SATB2: variants seen among roughly 807,000 people sequenced by gnomAD.
SATB2 encodes DNA-binding protein SATB2.
A neutral mutation model predicts 73.4 loss-of-function variants in SATB2; 1 was observed. The observed-to-expected ratio is 0.01, with a 90% CI of 0.00 to 0.06. The LOEUF (loss-of-function observed/expected upper bound fraction) is 0.06. Ranked by LOEUF, SATB2 falls within the 10% of genes least tolerant of loss-of-function variation. The probability of loss-of-function intolerance (pLI) is 1.00; values close to 1 mark genes in which losing one functional copy is unlikely to be tolerated. For missense variants in SATB2, 459 were observed against 945.8 expected (o/e 0.49, Z 6.75); for synonymous variants, 397 against 367.0 (o/e 1.08, Z -0.93).
intron 10 of SATB2, among the ~76,000 whole-genome samples, chr2:199,289,625 C>T (rs1445122373): frequency 1.3e-5 from 2 of 152,170 alleles, no homozygotes; most frequent in Non-Finnish European, 2.9e-5. Context: ...TGTGAATACG[C>T]TTCGGGGTGG....
At chr2:199,425,953 T>C (rs1423654252) in intron 3 of SATB2, among the ~76,000 whole-genome samples, 6 of 152,156 alleles carry the variant, frequency 3.9e-5, no homozygotes, top group African/African-American at 1.4e-4. Context: ...TGTTGAAGAA[T>C]TGTGTTCTCC....
At chr2:199,353,996 A>G (rs1688898095) in intron 6 of SATB2, among the ~76,000 whole-genome samples, 1 of 152,212 alleles carries the variant, frequency 6.6e-6, no homozygotes, top group African/African-American at 2.4e-5. Context: ...GGTGAAAGCA[A>G]TGTTCACATT....
At chr2:199,287,866 A>G (rs1448554740) in intron 10 of SATB2, among the ~76,000 whole-genome samples, 1 of 152,202 alleles carries the variant, frequency 6.6e-6, no homozygotes, top group African/African-American at 2.4e-5. Context: ...CAAATACACA[A>G]AATTGAGCTC....
chr2:199,290,765 G>C (rs571704746), intron 10 of SATB2, among the ~76,000 whole-genome samples: 4 of 152,188 alleles, frequency 2.6e-5, no homozygotes, highest in Admixed American at 2.0e-4. Flanking sequence ...ATATTCATCA[G>C]TTTGCTTCTC....
chr2:199,302,171 T>C (rs538070895), intron 10 of SATB2, among the ~76,000 whole-genome samples: 1 of 152,304 alleles, frequency 6.6e-6, no homozygotes, highest in Non-Finnish European at 1.5e-5. Flanking sequence ...AATCTCTAGG[T>C]AAAACAAAGC....
intron 10 of SATB2, among the ~76,000 whole-genome samples, chr2:199,293,471 T>G (rs183868570): frequency 1.0e-3 from 158 of 152,230 alleles, no homozygotes; most frequent in African/African-American, 3.6e-3. Context: ...TTTCTTAGTA[T>G]TTTCTATTCA....
At position 199,355,342 on chromosome 2, in the gene SATB2, G is replaced by GTATATATATATATA. The variant is rs1249092587; in HGVS notation, c.701-6170_701-6169insTATATATATATATA. ...CATATGTATGTGTGTGTGTGTGTGT[G>GTATATATATATATA]TGTATCTATATATATATATATATAT... is the stretch of plus-strand genomic sequence containing the variant. On this transcript the variant is annotated intron_variant, in intron 6 of 10. Transcript: ENST00000417098. 5.5e-4 allele frequency among the ~76,000 whole-genome samples: 3 copies of GTATATATATATATA among 5,420 alleles called. 1 individual carries two copies. The highest frequency in any genetic ancestry group is 5.6e-3 in the Non-Finnish European group (1 of 178). The allele number at this position is 5,420 out of a possible 152,430, so 3.6% of individuals were successfully genotyped here.
intron 5 of SATB2, 127 bp downstream of exon 5, chr2:199,380,237 C>G: frequency 8.1e-7 from 1 of 1,230,676 alleles, no homozygotes; most frequent in Non-Finnish European, 1.2e-6. Context: ...TCTTTTACAC[C>G]TCAAATGCAG....
In SATB2 at chr2:199,455,628, C is replaced by T. The variant is rs1692249801; in HGVS notation, c.169+241G>A. Among the ~76,000 whole-genome samples the T allele has an allele frequency of 6.6e-6, 1 of 152,248 alleles. No homozygotes were observed. Among genetic ancestry groups the T allele is most frequent in the Non-Finnish European group, 1.5e-5 (1 of 68,046 alleles). Reference sequence around the variant, plus strand: ...TGGCTGTGACATAAACCTGCCAACACCTCAGCACACAGTGGCAAAATGCCC... The same window carrying T: ...TGGCTGTGACATAAACCTGCCAACATCTCAGCACACAGTGGCAAAATGCCC... On this transcript the variant is annotated intron_variant, in intron 2 of 10. Coordinates refer to ENST00000417098, the MANE Select transcript of SATB2 (RefSeq NM_001172509.2). The surrounding 1 kb of genome is among the most constrained non-coding windows in gnomAD (Gnocchi z 4.1).
chr2:199,360,295 C>T (rs1689098280), intron 6 of SATB2, among the ~76,000 whole-genome samples: 2 of 152,132 alleles, frequency 1.3e-5, no homozygotes, highest in African/African-American at 2.4e-5. Context: ...GCCCCCATCA[C>T]ATCTATGTTT....
intron 3 of SATB2, among the ~76,000 whole-genome samples, chr2:199,421,189 G>A (rs1310527996): frequency 6.6e-6 from 1 of 152,072 alleles, no homozygotes; most frequent in Non-Finnish European, 1.5e-5. Flanking sequence ...GTTCCAGGTA[G>A]GACCATCTCA....
At chr2:199,423,169 T>C (rs1445723620) in intron 3 of SATB2, among the ~76,000 whole-genome samples, 2 of 152,172 alleles carry the variant, frequency 1.3e-5, no homozygotes, top group Admixed American at 1.3e-4. Context: ...TAATATAATG[T>C]TAGGTCCTAC....
At chr2:199,323,698 TTA>T (rs2105788916) in intron 9 of SATB2, 103 bp downstream of exon 9, 2 of 1,216,450 alleles carry the variant, frequency 1.6e-6, no homozygotes, top group Non-Finnish European at 2.4e-6. Flanking sequence ...TTCTTGGGGG[TTA>T]TTACTGTTAT....
In SATB2 at chr2:199,272,583, A is replaced by G. The variant is rs759470075; in HGVS notation, c.1830T>C (p.Ser610=). 9.3e-6 allele frequency: 15 copies of G among 1,614,114 alleles called. No individual in the cohort carries two copies. The South Asian group carries it at 1.6e-4, about 18-fold the overall frequency. The part of the protein sequence containing the change: ...APPPPPPTED[S]CAKKPRSRTK... ...TGCGAGACCGGGGCTTTTTGGCACA[A>G]CTGTCTTCAGTCGGAGGAGGTGGGG... Residue 610 remains serine (S), a synonymous_variant, in exon 11 of 11, where the codon AGT becomes AGC. Coordinates refer to ENST00000417098, the MANE Select transcript of SATB2 (RefSeq NM_001172509.2). This position sits in a 1 kb window ranked among gnomAD's most constrained non-coding sequence, Gnocchi z 6.7.
In SATB2 at chr2:199,463,692, G is replaced by C. The variant is rs1393661693; in HGVS notation, c.-141+1144C>G. ...TGTGGCGGGGGATGGGCAGGTCCCT[G>C]GCCCAGGGTACCACCGGGCCACTCA... On this transcript the variant is annotated intron_variant, in intron 1 of 11. Transcript: ENST00000260926. This position sits in a 1 kb window ranked among gnomAD's most constrained non-coding sequence, Gnocchi z 6.4. 1.3e-5 allele frequency among the ~76,000 whole-genome samples: 2 copies of C among 152,138 alleles called. No homozygotes were observed. The highest frequency in any genetic ancestry group is 4.8e-5 in the African/African-American group (2 of 41,442).
chr2:199,327,629 C>A (rs564519316), intron 8 of SATB2, among the ~76,000 whole-genome samples: 2 of 152,096 alleles, frequency 1.3e-5, no homozygotes, highest in South Asian at 2.1e-4. Context: ...CTAGAAATGA[C>A]CCCTGACTGC....
At chr2:199,335,879 A>G (rs1383666450) in intron 7 of SATB2, among the ~76,000 whole-genome samples, 1 of 152,164 alleles carries the variant, frequency 6.6e-6, no homozygotes, top group Non-Finnish European at 1.5e-5. Context: ...TTGTGGATAC[A>G]ATAAAATTTC....
At chr2:199,307,433 C>T (rs928772849) in intron 10 of SATB2, among the ~76,000 whole-genome samples, 4 of 152,060 alleles carry the variant, frequency 2.6e-5, no homozygotes, top group South Asian at 2.1e-4. Context: ...GTGGATGAGA[C>T]TTCGGTCAGA....
At chr2:199,321,778 A>C (rs903257737) in intron 9 of SATB2, among the ~76,000 whole-genome samples, 1 of 152,102 alleles carries the variant, frequency 6.6e-6, no homozygotes, top group Admixed American at 6.6e-5. Flanking sequence ...ATTTTTAAAA[A>C]AAAAACATAA....
Sources: allele counts gnomAD v4.1 joint callset (sites outside exome capture counted in the v4.1 genomes callset), GRCh38; gene constraint gnomAD v4.1.1; non-coding constraint Gnocchi (gnomAD v3.1); transcripts MANE v1.5; gene names NCBI Gene and HGNC (gene_info 2026-07-23, HGNC 2026-07-21).